The following ARHGEF12 variants were observed in gnomAD, a reference collection of about 807,000 sequenced individuals.
ARHGEF12 encodes KMT2A/ARHGEF12 fusion protein.
ARHGEF12 carries 66 observed loss-of-function variants against 211.2 expected under a neutral mutation model. The ratio of observed to expected loss-of-function variants is 0.31; its 90% confidence interval spans 0.26 to 0.38. The LOEUF (loss-of-function observed/expected upper bound fraction) is 0.38, where lower values mean the gene tolerates loss of function less well. Ranked by LOEUF, ARHGEF12 falls within the 10% of genes least tolerant of loss-of-function variation. The probability of loss-of-function intolerance (pLI) is 1.00; values close to 1 mark genes in which losing one functional copy is unlikely to be tolerated. For missense variants in ARHGEF12, 1,429 were observed against 1,869.5 expected, an observed-to-expected ratio of 0.76 and a Z score of 4.34; for synonymous variants, 592 against 638.4, an observed-to-expected ratio of 0.93 and a Z score of 1.09.
chr11:120,396,302 C>T (rs1335745634), intron 1 of ARHGEF12, among the ~76,000 whole-genome samples: 2 of 152,088 alleles, frequency 1.3e-5, no homozygotes, highest in Non-Finnish European at 2.9e-5. Flanking sequence ...AAATAGTATA[C>T]GTAGATTCCT....
chr11:120,460,863 A>G, intron 27 of ARHGEF12, 106 bp downstream of exon 27: 1 of 952,992 alleles, frequency 1.0e-6, no homozygotes, highest in Non-Finnish European at 1.6e-6. Context: ...CCATGTTGCA[A>G]AGTTAATGCA....
rs1565470816 is a variant in ARHGEF12 at position 120,424,404 on chromosome 11, A to C, written c.395A>C (p.Lys132Thr). 6.2e-7 allele frequency: 1 copy of C among 1,613,422 alleles called. No homozygotes were observed. The highest frequency in any genetic ancestry group is 8.5e-7 in the Non-Finnish European group (1 of 1,179,578). The change falls in exon 7 of 41, where the codon AAG becomes ACG. Residue 132 changes from lysine to threonine, a missense_variant. Coordinates refer to ENST00000397843, the MANE Select transcript of ARHGEF12 (RefSeq NM_015313.3). ...CATTCAAATCATCTGGAGGTGGTGA[A>C]GCTAATCAAATGTAGGTGAATGTTA... Reference protein sequence around the residue: ...VTHSNHLEVVKLIKSGSYVAL... With the variant: ...VTHSNHLEVVTLIKSGSYVAL...
intron 8 of ARHGEF12, among the ~76,000 whole-genome samples, 190 bp downstream of exon 8, chr11:120,428,437 A>G (rs929096220): frequency 8.5e-5 from 13 of 152,364 alleles, no homozygotes; most frequent in Admixed American, 4.6e-4. Flanking sequence ...TTTAACAAGT[A>G]TTAGACACCT....
At chr11:120,337,517 A>G (rs1037697202) in intron 1 of ARHGEF12, 4 of 985,308 alleles carry the variant, frequency 4.1e-6, no homozygotes, top group African/African-American at 3.5e-5. Context: ...AGGCAAAACC[A>G]TGATTGTGGT....
At position 120,407,727 on chromosome 11, in the gene ARHGEF12, C is replaced by A; in HGVS notation, c.57-11C>A. 6.2e-7 allele frequency: 1 copy of A among 1,608,186 alleles called. No homozygotes were observed. The highest frequency in any genetic ancestry group is 8.5e-7 in the Non-Finnish European group (1 of 1,176,280). On this transcript the variant is annotated splice_polypyrimidine_tract_variant and intron_variant, in intron 2 of 40. Transcript: ENST00000397843. ...TTGCACTAAGCATTTGATTACTTTG[C>A]TTTAATTTAGGCATGGAAGTATTTT... is the stretch of plus-strand genomic sequence containing the variant.
chr11:120,341,925 G>A (rs146441019), intron 1 of ARHGEF12, among the ~76,000 whole-genome samples: 81 of 152,216 alleles, frequency 5.3e-4, no homozygotes, highest in African/African-American at 1.9e-3. Context: ...CATCATGTAG[G>A]TAATGATATC....
chr11:120,368,197 T>C (rs1943483831), intron 1 of ARHGEF12, among the ~76,000 whole-genome samples: 2 of 152,136 alleles, frequency 1.3e-5, no homozygotes, highest in Non-Finnish European at 2.9e-5. Flanking sequence ...CCCGCCTCAT[T>C]GTCCATACTG....
intron 39 of ARHGEF12, among the ~76,000 whole-genome samples, chr11:120,483,781 A>G (rs1241045694): frequency 1.3e-5 from 2 of 151,824 alleles, no homozygotes; most frequent in Non-Finnish European, 2.9e-5. Context: ...TGCCCGGCTA[A>G]TTTTTTTTAT....
chr11:120,390,608 G>A (rs996030952), intron 1 of ARHGEF12, among the ~76,000 whole-genome samples: 1 of 152,184 alleles, frequency 6.6e-6, no homozygotes, highest in Non-Finnish European at 1.5e-5. Flanking sequence ...CTAAAACTAT[G>A]TAACGGGATA....
chr11:120,374,746 T>C lies in ARHGEF12; in HGVS notation c.33-31372T>C, dbSNP rs374522279. On this transcript the variant is annotated intron_variant, in intron 1 of 40. Transcript: ENST00000397843. ...AAAATAAATATTTTTAAAAAACTTT[T>C]CTTTTTAAATTGTGAAAAACGTATA... 2.9e-3 allele frequency among the ~76,000 whole-genome samples: 438 copies of C among 152,326 alleles called. 22 individuals are homozygous for C. In the South Asian group the frequency reaches 0.089, roughly 31 times the overall value.
intron 11 of ARHGEF12, among the ~76,000 whole-genome samples, chr11:120,435,906 A>G (rs528876109): frequency 6.6e-6 from 1 of 152,294 alleles, no homozygotes; most frequent in African/African-American, 2.4e-5. Context: ...GGATATTATT[A>G]TAATTTTGTC....
At chr11:120,357,849 C>T (rs78176114) in intron 1 of ARHGEF12, among the ~76,000 whole-genome samples, 2,431 of 152,240 alleles carry the variant, frequency 0.016, 83 homozygotes, top group African/African-American at 0.055. Flanking sequence ...GGATTACAGG[C>T]GTAAGCCACC....
rs150673559 is a variant in ARHGEF12, at chr11:120,372,762, T to C, written c.33-33356T>C. On this transcript the variant is annotated intron_variant, in intron 1 of 40. Coordinates refer to ENST00000397843, the MANE Select transcript of ARHGEF12 (RefSeq NM_015313.3). The stretch of plus-strand genomic sequence containing the variant: ...TCTACCATTTGTTAGCTGAACAACC[T>C]TGGAAAAGTTATATAGCTTCTCTAC... Among the ~76,000 whole-genome samples the C allele has an allele frequency of 2.7e-3, 411 of 152,258 alleles. 7 individuals carry two copies. Among genetic ancestry groups the C allele is most frequent in the Admixed American group, 0.02 (305 of 15,294 alleles).
chr11:120,415,452 AAAAC>A (rs1410918396), intron 4 of ARHGEF12, among the ~76,000 whole-genome samples: 2 of 152,202 alleles, frequency 1.3e-5, no homozygotes, highest in African/African-American at 4.8e-5. Context: ...CAAATTTGCT[AAAAC>A]AAACAAAAGA....
chr11:120,433,478 C>G (rs1474221613), intron 11 of ARHGEF12, among the ~76,000 whole-genome samples: 1 of 152,196 alleles, frequency 6.6e-6, no homozygotes, highest in Admixed American at 6.5e-5. Context: ...CATGGCTTGT[C>G]CCTACCATGA....
rs1418904747 is a variant in ARHGEF12 at position 120,429,703 on chromosome 11, A to G, written c.664-9A>G. ...AATTAATTCTGAAAATATTTTTATA[A>G]CTTTTCAGTTATTGCAGGAAGATTA... On this transcript the variant is annotated splice_polypyrimidine_tract_variant and intron_variant, in intron 9 of 40. Transcript: ENST00000397843. 3 of 1,606,048 alleles carry G rather than the reference A, an allele frequency of 1.9e-6. No individual in the cohort carries two copies. The African/African-American group carries it at 4.0e-5, about 22-fold the overall frequency.
intron 28 of ARHGEF12, among the ~76,000 whole-genome samples, chr11:120,466,236 C>A (rs1429152558): frequency 6.6e-6 from 1 of 152,246 alleles, no homozygotes; most frequent in Admixed American, 6.5e-5. Flanking sequence ...CTCTTCTAAG[C>A]TCACTGGTTG....
chr11:120,374,091 G>A (rs370426272), intron 1 of ARHGEF12, among the ~76,000 whole-genome samples: 5 of 152,162 alleles, frequency 3.3e-5, no homozygotes, highest in East Asian at 3.8e-4. Flanking sequence ...ACAGGCGTGA[G>A]CCACCGCACC....
At chr11:120,410,157 TA>T in intron 4 of ARHGEF12, 1 of 152,308 alleles carries the variant, frequency 6.6e-6, no homozygotes, top group East Asian at 1.9e-4. Flanking sequence ...GAAATGCTAA[TA>T]TTTCTAGACT....
Sources: gnomAD v4.1 joint callset for allele counts (sites outside exome capture counted in the v4.1 genomes callset) on GRCh38, gnomAD v4.1.1 for gene constraint, MANE v1.5 for transcripts, NCBI Gene and HGNC (gene_info 2026-07-23, HGNC 2026-07-21) for gene names.